OR14A2: variants seen among roughly 807,000 people sequenced by gnomAD.
OR14A2 encodes olfactory receptor family 14 subfamily A member 2.
For synonymous variants in OR14A2, 114 were observed against 58.6 expected, an observed-to-expected ratio of 1.95 and a Z score of -4.32; for missense variants, 237 against 152.9, an observed-to-expected ratio of 1.55 and a Z score of -2.90.
At chr1:247,733,574 C>A in the OR14A2 span, among the ~76,000 whole-genome samples, 2 of 152,138 alleles carry the variant, frequency 1.3e-5, no homozygotes, top group Admixed American at 6.6e-5. Context: ...CCCTTTCTGC[C>A]TGACCATTTA....
the OR14A2 span, among the ~76,000 whole-genome samples, chr1:247,747,565 T>A: frequency 6.6e-6 from 1 of 151,952 alleles, no homozygotes. Flanking sequence ...GGTTTCGCCG[T>A]GTTAGCCAGG....
At chr1:247,740,730 G>A in the OR14A2 span, among the ~76,000 whole-genome samples, 39 of 152,066 alleles carry the variant, frequency 2.6e-4, no homozygotes, top group Non-Finnish European at 2.6e-4. Flanking sequence ...GACAATCGTC[G>A]TATCACCCTA....
the OR14A2 span, among the ~76,000 whole-genome samples, chr1:247,737,133 C>T: frequency 6.6e-6 from 1 of 152,152 alleles, no homozygotes; most frequent in Admixed American, 6.6e-5. Flanking sequence ...ATTTAGTTCT[C>T]AGAAAATCAC....
chr1:247,723,175 A>G (rs1255886159), exon 1 of OR14A2: 1 of 717,616 alleles, frequency 1.4e-6, no homozygotes, highest in Admixed American at 2.0e-5. Flanking sequence ...ATTGTTCCGC[A>G]GGCTGTAGGT....
upstream of OR14A2, among the ~76,000 whole-genome samples, chr1:247,725,984 G>A (rs890940891): frequency 7.0e-6 from 1 of 143,550 alleles, no homozygotes; most frequent in East Asian, 2.0e-4. Flanking sequence ...TAATGCCGCA[G>A]TAAACATACG....
exon 1 of OR14A2, chr1:247,723,622 A>G (rs1660258213): frequency 2.8e-6 from 2 of 718,382 alleles, no homozygotes; most frequent in African/African-American, 3.5e-5. Context: ...ACTTGCCATT[A>G]ACACACAGAC....
chr1:247,742,049 A>G, the OR14A2 span, among the ~76,000 whole-genome samples: 3 of 152,208 alleles, frequency 2.0e-5, no homozygotes, highest in Admixed American at 6.5e-5. Flanking sequence ...ATCTGGAAAA[A>G]CTAGCTTTGC....
chr1:247,735,817 A>G, the OR14A2 span, among the ~76,000 whole-genome samples: 3 of 152,206 alleles, frequency 2.0e-5, no homozygotes, highest in South Asian at 2.1e-4. Flanking sequence ...ATCGGTAAGC[A>G]TATAGGAAAC....
chr1:247,727,875 A>G (rs1484213736), upstream of OR14A2, among the ~76,000 whole-genome samples: 1 of 146,908 alleles, frequency 6.8e-6, no homozygotes, highest in Non-Finnish European at 1.5e-5. Flanking sequence ...TAAACCAGGA[A>G]GAAGTTGAAT....
the OR14A2 span, among the ~76,000 whole-genome samples, chr1:247,743,343 T>C: frequency 6.6e-6 from 1 of 152,156 alleles, no homozygotes. Context: ...GGAGTGTCTA[T>C]AATGGCAGCC....
At chr1:247,747,464 C>T in the OR14A2 span, among the ~76,000 whole-genome samples, 644 of 151,204 alleles carry the variant, frequency 4.3e-3, 4 homozygotes, top group African/African-American at 0.015. Context: ...CAGGTTCATG[C>T]GATTCTCCTG....
At chr1:247,742,369 C>T in the OR14A2 span, among the ~76,000 whole-genome samples, 57 of 145,798 alleles carry the variant, frequency 3.9e-4, no homozygotes, top group African/African-American at 1.3e-3. Flanking sequence ...TGATAATACA[C>T]GCACACACAC....
the OR14A2 span, among the ~76,000 whole-genome samples, chr1:247,744,472 C>T: frequency 9.9e-5 from 15 of 152,114 alleles, no homozygotes; most frequent in Admixed American, 1.3e-4. This position sits in a 1 kb window ranked among gnomAD's most constrained non-coding sequence, Gnocchi z 4.3. Context: ...AAGAAGAACA[C>T]TAATTTTCTT....
At chr1:247,734,910 G>A in the OR14A2 span, among the ~76,000 whole-genome samples, 2 of 152,106 alleles carry the variant, frequency 1.3e-5, no homozygotes, top group African/African-American at 2.4e-5. Context: ...GCAAACTAGC[G>A]AGCAAATAAC....
exon 1 of OR14A2, chr1:247,723,933 T>C (rs934504676): frequency 1.4e-6 from 1 of 716,928 alleles, no homozygotes; most frequent in African/African-American, 1.8e-5. Flanking sequence ...GGTTACTCAT[T>C]AGGGCTGCCA....
the OR14A2 span, among the ~76,000 whole-genome samples, chr1:247,741,124 A>G: frequency 0.017 from 2,543 of 152,274 alleles, 81 homozygotes; most frequent in African/African-American, 0.058. Flanking sequence ...GCTTAATTAC[A>G]TATTTCTCTG....
upstream of OR14A2, among the ~76,000 whole-genome samples, chr1:247,725,641 A>C: frequency 7.2e-6 from 1 of 139,444 alleles, no homozygotes; most frequent in African/African-American, 2.6e-5. Flanking sequence ...CTAACTCGTC[A>C]TCTAGCATTA....
chr1:247,737,728 G>C, the OR14A2 span, among the ~76,000 whole-genome samples: 1 of 152,134 alleles, frequency 6.6e-6, no homozygotes, highest in Non-Finnish European at 1.5e-5. Flanking sequence ...CTAAAGACAA[G>C]ATGATCTGAG....
the OR14A2 span, among the ~76,000 whole-genome samples, chr1:247,745,051 T>C: frequency 1.3e-5 from 2 of 152,298 alleles, no homozygotes; most frequent in Admixed American, 6.5e-5. Context: ...GACATGACTG[T>C]TATTGCACTT....
Sources: allele counts gnomAD v4.1 joint callset (sites outside exome capture counted in the v4.1 genomes callset), GRCh38; gene constraint gnomAD v4.1.1; non-coding constraint Gnocchi (gnomAD v3.1); transcripts MANE v1.5; gene names NCBI Gene and HGNC (gene_info 2026-07-23, HGNC 2026-07-21).